Variants in CNTNAP2 observed in about 807,000 individuals in gnomAD.
CNTNAP2 encodes the protein contactin-associated protein-like 2.
A neutral mutation model predicts 155.2 loss-of-function variants in CNTNAP2; 98 were observed. The observed-to-expected ratio is 0.63, with a 90% CI of 0.54 to 0.75. The LOEUF (loss-of-function observed/expected upper bound fraction) is 0.75, where lower values mean the gene tolerates loss of function less well. Ranked by LOEUF, CNTNAP2 falls within the 30% of genes least tolerant of loss-of-function variation. The pLI is 0.00. For missense variants in CNTNAP2, 1,727 were observed against 1,688.1 expected (o/e 1.02, Z -0.40); for synonymous variants, 651 against 631.2 (o/e 1.03, Z -0.47).
chr7:148,127,741 G>A (rs1585140706), intron 16 of CNTNAP2, among the ~76,000 whole-genome samples: 1 of 152,216 alleles, frequency 6.6e-6, no homozygotes, highest in East Asian at 1.9e-4. Flanking sequence ...CACTCTTGTA[G>A]ATGTGAAGAA....
chr7:146,785,210 G>A (rs900989616), intron 2 of CNTNAP2, among the ~76,000 whole-genome samples: 8 of 151,944 alleles, frequency 5.3e-5, no homozygotes, highest in African/African-American at 1.9e-4. Context: ...CTGCACTCAA[G>A]TGATCTACCC....
At position 148,419,122 on chromosome 7, in the gene CNTNAP2, TCAC is replaced by T. The variant is rs1314930549; in HGVS notation, c.*3510_*3512del. 1 of 152,210 alleles carries T rather than the reference TCAC, an allele frequency of 6.6e-6. No homozygotes were observed. The highest frequency in any genetic ancestry group is 2.4e-5 in the African/African-American group (1 of 41,442). The allele number at this position is 152,210 out of a possible 1,614,324, so 9.4% of individuals were successfully genotyped here. On this transcript the variant is annotated 3_prime_UTR_variant, in exon 24 of 24. Transcript: ENST00000361727. ...CCTACTTTTTTCTCTCTTCCTCTCC[TCAC>T]CACATTATACCCTGCTCTTACGCAG... is the stretch of plus-strand genomic sequence containing the variant.
chr7:146,149,718 A>G (rs987177992), intron 1 of CNTNAP2, among the ~76,000 whole-genome samples: 1 of 152,082 alleles, frequency 6.6e-6, no homozygotes, highest in South Asian at 2.1e-4. Context: ...ATAAATCTTG[A>G]TACTTCATAC....
In CNTNAP2 at chr7:147,977,889, C is replaced by G; in HGVS notation, c.2283C>G (p.Tyr761Ter). The G allele has an allele frequency of 6.2e-7, 1 of 1,614,082 alleles. No homozygotes were observed. The highest frequency in any genetic ancestry group is 8.5e-7 in the Non-Finnish European group (1 of 1,180,002). ...QWRKDAGFLS[Y>*]KDHLPVSQVV... ...GGAAGGATGCTGGTTTCTTATCATA[C>G]AAAGATCACCTGCCAGTGAGCCAAG... The change falls in exon 15 of 24, where the codon TAC becomes TAG. Residue 761 changes from tyrosine (Y) to a stop codon, truncating the protein, a stop_gained. Coordinates refer to ENST00000361727, the MANE Select transcript of CNTNAP2 (RefSeq NM_014141.6). LOFTEE classifies it high-confidence loss of function.
At chr7:146,119,643 C>T (rs1797535129) in intron 1 of CNTNAP2, among the ~76,000 whole-genome samples, 1 of 152,052 alleles carries the variant, frequency 6.6e-6, no homozygotes, top group Non-Finnish European at 1.5e-5. Context: ...CTTGATGGTG[C>T]AGTTCTAAAT....
At chr7:147,179,116 G>T (rs114168973) in intron 8 of CNTNAP2, among the ~76,000 whole-genome samples, 1 of 152,132 alleles carries the variant, frequency 6.6e-6, no homozygotes, top group South Asian at 2.1e-4. Context: ...GTTAAGTGCC[G>T]TCTTAAGAGT....
intron 3 of CNTNAP2, among the ~76,000 whole-genome samples, chr7:146,891,561 G>A (rs923008584): frequency 3.3e-5 from 5 of 152,108 alleles, no homozygotes; most frequent in Non-Finnish European, 7.4e-5. Context: ...TATCAGCTCT[G>A]TGTATTTTTT....
intron 14 of CNTNAP2, among the ~76,000 whole-genome samples, chr7:147,968,356 G>C (rs970423831): frequency 1.3e-5 from 2 of 152,100 alleles, no homozygotes; most frequent in Non-Finnish European, 2.9e-5. Flanking sequence ...CATTTCACTG[G>C]GGACATAGGC....
intron 8 of CNTNAP2, among the ~76,000 whole-genome samples, chr7:147,251,904 A>G (rs1000288360): frequency 3.3e-5 from 5 of 152,198 alleles, no homozygotes; most frequent in African/African-American, 1.2e-4. Flanking sequence ...AAGTTGGACA[A>G]GTTTGTTCCT....
intron 1 of CNTNAP2, among the ~76,000 whole-genome samples, chr7:146,750,915 A>T (rs1320015991): frequency 2.0e-5 from 3 of 152,198 alleles, no homozygotes; most frequent in African/African-American, 7.2e-5. Context: ...TATAAAAATA[A>T]TGCTGATAGG....
At chr7:147,376,576 A>C (rs1241951959) in intron 9 of CNTNAP2, among the ~76,000 whole-genome samples, 1 of 151,838 alleles carries the variant, frequency 6.6e-6, no homozygotes, top group African/African-American at 2.4e-5. Context: ...GTGTTGTCTT[A>C]AAATATTTTT....
At chr7:146,972,580 T>C (rs182592835) in intron 3 of CNTNAP2, among the ~76,000 whole-genome samples, 54 of 152,278 alleles carry the variant, frequency 3.5e-4, no homozygotes, top group Admixed American at 7.8e-4. Flanking sequence ...TGTAACAAAT[T>C]TTTTCATATA....
intron 13 of CNTNAP2, among the ~76,000 whole-genome samples, chr7:147,641,508 C>T (rs1795277985): frequency 6.6e-6 from 1 of 150,986 alleles, no homozygotes; most frequent in Non-Finnish European, 1.5e-5. Flanking sequence ...TTCAGTAGGT[C>T]TCAGGTGGTG....
chr7:146,130,419 A>G (rs1797697500), intron 1 of CNTNAP2, among the ~76,000 whole-genome samples: 1 of 152,250 alleles, frequency 6.6e-6, no homozygotes, highest in Admixed American at 6.5e-5. Flanking sequence ...ACAGTGAATA[A>G]TGATTGCACC....
At chr7:146,990,568 G>C (rs975163394) in intron 3 of CNTNAP2, among the ~76,000 whole-genome samples, 1 of 151,146 alleles carries the variant, frequency 6.6e-6, no homozygotes, top group African/African-American at 2.4e-5. Context: ...TTTTCTCCCT[G>C]ATTTCTCTTC....
chr7:146,137,752 AT>A (rs978632334), intron 1 of CNTNAP2, among the ~76,000 whole-genome samples: 4 of 151,830 alleles, frequency 2.6e-5, no homozygotes, highest in South Asian at 2.1e-4. Context: ...ACCAAGGTTA[AT>A]TTTTTTTCAA....
At chr7:146,503,261 TA>T (rs796113417) in intron 1 of CNTNAP2, among the ~76,000 whole-genome samples, 6 of 152,194 alleles carry the variant, frequency 3.9e-5, no homozygotes, top group South Asian at 4.1e-4. Flanking sequence ...GAGGTCTTAC[TA>T]AAAAAATCTT....
At chr7:147,618,687 T>C (rs1481939920) in intron 12 of CNTNAP2, among the ~76,000 whole-genome samples, 2 of 127,056 alleles carry the variant, frequency 1.6e-5, no homozygotes, top group Non-Finnish European at 3.0e-5. Context: ...AGCTATTATA[T>C]ATATATAATA....
intron 15 of CNTNAP2, among the ~76,000 whole-genome samples, chr7:148,053,987 T>G (rs74661263): frequency 6.6e-6 from 1 of 150,892 alleles, no homozygotes; most frequent in East Asian, 1.9e-4. Flanking sequence ...TTTTTTTTTT[T>G]TTCAAGACAG....
Sources: gnomAD v4.1 joint callset for allele counts (sites outside exome capture counted in the v4.1 genomes callset) on GRCh38, gnomAD v4.1.1 for gene constraint, MANE v1.5 for transcripts, NCBI Gene and HGNC (gene_info 2026-07-23, HGNC 2026-07-21) for gene names.